The following MCCC1 variants were observed in gnomAD, a reference collection of about 807,000 sequenced individuals.
The protein encoded by MCCC1 is methylcrotonoyl-CoA carboxylase subunit alpha, mitochondrial.
Under a neutral mutation model 83.8 loss-of-function variants are expected in MCCC1, and 64 were observed. That is an observed-to-expected ratio of 0.76 (90% CI 0.62 to 0.94). The LOEUF (loss-of-function observed/expected upper bound fraction) is 0.94. Among genes scored for constraint, MCCC1 ranks in the 40% least tolerant of loss-of-function variants. The pLI, the probability that MCCC1 is intolerant of heterozygous loss-of-function variation, is 0.00. For synonymous variants in MCCC1, 322 were observed against 315.4 expected (o/e 1.02, Z -0.22); for missense variants, 807 against 904.7 (o/e 0.89, Z 1.39).
intron 7 of MCCC1, among the ~76,000 whole-genome samples, chr3:183,069,484 CT>C (rs536154613): frequency 3.4e-4 from 51 of 150,756 alleles, no homozygotes; most frequent in South Asian, 8.4e-4. Context: ...ATGCCCCCCC[CT>C]TTTTTTTTGC....
At chr3:183,034,112 G>A in intron 13 of MCCC1, 35 bp from the exon 14 acceptor site, 1 of 1,385,242 alleles carries the variant, frequency 7.2e-7, no homozygotes, top group Non-Finnish European at 1.0e-6. Context: ...ACAAACTTAT[G>A]AGTATCAAGC....
intron 4 of MCCC1, among the ~76,000 whole-genome samples, chr3:183,076,465 G>A (rs148503393): frequency 1.1e-3 from 170 of 152,108 alleles, no homozygotes; most frequent in Non-Finnish European, 1.8e-3. Context: ...TATGAATAAC[G>A]GTGTTATAAA....
intron 4 of MCCC1, among the ~76,000 whole-genome samples, chr3:183,086,007 C>T (rs2108552276): frequency 6.6e-6 from 1 of 152,342 alleles, no homozygotes; most frequent in South Asian, 2.1e-4. Context: ...CCAGTCTCTC[C>T]TTCAGCCCAA....
At chr3:183,116,156 A>C (rs1234252579), upstream of MCCC1, 2 of 164,666 alleles carry the variant, frequency 1.2e-5, no homozygotes, top group Admixed American at 1.3e-4. Context: ...CGAGGATGTG[A>C]TCTATATGCT....
At chr3:183,022,708 T>C (rs559940682) in intron 15 of MCCC1, 154 bp from the exon 16 acceptor site, 4 of 671,128 alleles carry the variant, frequency 6.0e-6, no homozygotes, top group African/African-American at 1.8e-5. Context: ...ATGGAACTTT[T>C]CCCCTATTCC....
At chr3:183,090,935 C>A (rs1577359879) in intron 3 of MCCC1, 1 of 455,626 alleles carries the variant, frequency 2.2e-6, no homozygotes, top group East Asian at 7.0e-5. Flanking sequence ...AGAGCACTGA[C>A]CTTCGATGGG....
At chr3:183,086,857 G>T in intron 3 of MCCC1, 69 bp from the exon 4 acceptor site, 1 of 1,347,340 alleles carries the variant, frequency 7.4e-7, no homozygotes, top group Non-Finnish European at 1.1e-6. Context: ...ATACAGAACT[G>T]CTTCAGGGTC....
intron 3 of MCCC1, among the ~76,000 whole-genome samples, chr3:183,089,817 T>C (rs1718183868): frequency 6.6e-6 from 1 of 152,134 alleles, no homozygotes; most frequent in Non-Finnish European, 1.5e-5. Flanking sequence ...AGCAATGGTG[T>C]TGTACTCTAC....
intron 1 of MCCC1, among the ~76,000 whole-genome samples, chr3:183,110,578 T>A (rs1719476112): frequency 6.6e-6 from 1 of 152,018 alleles, no homozygotes; most frequent in Non-Finnish European, 1.5e-5. Context: ...TATTTTTTAG[T>A]GGAGACGGGG....
intron 15 of MCCC1, among the ~76,000 whole-genome samples, chr3:183,025,230 T>C (rs950416777): frequency 2.6e-5 from 4 of 152,198 alleles, no homozygotes; most frequent in Admixed American, 2.6e-4. Context: ...AGATGGATGG[T>C]TGTGATGGTT....
Position 183,072,414 on chromosome 3 carries a change from A to T in MCCC1, c.443T>A (p.Ile148Asn). 1 of 1,614,006 alleles carries T rather than the reference A, an allele frequency of 6.2e-7. No homozygotes were observed. Among genetic ancestry groups the T allele is most frequent in the Non-Finnish European group, 8.5e-7 (1 of 1,179,898 alleles). ...TGCAGATGGAGGAGGGCCTATAAAA[A>T]TAATTCCTTCTTGCTTACAAAGTTC... is the stretch of plus-strand genomic sequence containing the variant. The part of the protein sequence containing the change: ...FAELCKQEGI[I>N]FIGPPPSAIR... Residue 148 changes from isoleucine to asparagine, a missense_variant, in exon 5 of 19, where the codon ATT (isoleucine) becomes AAT (asparagine). Transcript: ENST00000265594.
At chr3:183,096,750 C>T (rs187708272) in intron 1 of MCCC1, among the ~76,000 whole-genome samples, 33 of 152,322 alleles carry the variant, frequency 2.2e-4, no homozygotes, top group African/African-American at 7.7e-4. Context: ...CTTTCCCACA[C>T]CTTTCCATTT....
intron 4 of MCCC1, among the ~76,000 whole-genome samples, chr3:183,076,728 T>C (rs9823766): frequency 0.17 from 26,324 of 152,174 alleles, 2,594 homozygotes; most frequent in East Asian, 0.4. Context: ...TTTTTAAACA[T>C]AGTTGTTGAG....
At chr3:183,018,195 A>G (rs71314274) in intron 17 of MCCC1, among the ~76,000 whole-genome samples, 8,321 of 72,432 alleles carry the variant, frequency 0.11, no homozygotes, top group East Asian at 0.29. Flanking sequence ...TGGTCAAATC[A>G]GAGGCCTACA....
chr3:183,083,043 T>C (rs1350167761), intron 4 of MCCC1, among the ~76,000 whole-genome samples: 1 of 152,156 alleles, frequency 6.6e-6, no homozygotes, highest in African/African-American at 2.4e-5. Flanking sequence ...TTTCTCAATA[T>C]AGCCATATCA....
chr3:183,026,273 C>T (rs1712591977), intron 14 of MCCC1, among the ~76,000 whole-genome samples: 1 of 152,172 alleles, frequency 6.6e-6, no homozygotes, highest in Non-Finnish European at 1.5e-5. Flanking sequence ...AACTCCTGGA[C>T]TCAAGTGATC....
Position 183,072,359 on chromosome 3 carries a change from C to T in MCCC1, c.491+7G>A. 6.2e-7 allele frequency: 1 copy of T among 1,613,484 alleles called. No individual in the cohort carries two copies. The highest frequency in any genetic ancestry group is 2.2e-5 in the East Asian group (1 of 44,858). On this transcript the variant is annotated splice_region_variant and intron_variant, in intron 5 of 18. Coordinates refer to ENST00000265594, the MANE Select transcript of MCCC1 (RefSeq NM_020166.5). ...ACAGTTATATTTTAAAAGATATAAA[C>T]TCATACCTCTTTATACCCATGTCTC...
At chr3:183,019,491 G>GA (rs1268461497) in intron 17 of MCCC1, among the ~76,000 whole-genome samples, 1 of 152,138 alleles carries the variant, frequency 6.6e-6, no homozygotes, top group Non-Finnish European at 1.5e-5. Flanking sequence ...AGGACACAGA[G>GA]AAAAAATGGC....
In MCCC1 at chr3:183,015,480, GACTAAAGGAGTGTGTCTGT is replaced by G. The variant is rs779223423; in HGVS notation, c.2117_2135del (p.Asn706ThrfsTer44). The G allele has an allele frequency of 9.3e-6, 15 of 1,614,056 alleles. No homozygotes were observed. Among genetic ancestry groups the G allele is most frequent in the Non-Finnish European group, 1.2e-5 (14 of 1,180,002 alleles). On this transcript the variant is annotated frameshift_variant, in exon 19 of 19. Transcript: ENST00000265594. LOFTEE classifies it high-confidence loss of function. The stretch of plus-strand genomic sequence containing the variant: ...TGTCTGATTCTTCCTCCTCAAACTC[GACTAAAGGAGTGTGTCTGT>G]TGGCCTGAGCACCTTCTCTGTAGAA...
Sources: allele counts gnomAD v4.1 joint callset (sites outside exome capture counted in the v4.1 genomes callset), GRCh38; gene constraint gnomAD v4.1.1; transcripts MANE v1.5; gene names NCBI Gene and HGNC (gene_info 2026-07-23, HGNC 2026-07-21).